Variants in MINDY3 observed in about 807,000 individuals in gnomAD.
The protein encoded by MINDY3 is ubiquitin carboxyl-terminal hydrolase MINDY-3.
MINDY3 carries 38 observed loss-of-function variants against 69.2 expected under a neutral mutation model. That is an observed-to-expected ratio of 0.55 (90% CI 0.42 to 0.72). MINDY3 has a LOEUF of 0.72. Among genes scored for constraint, MINDY3 ranks in the 30% least tolerant of loss-of-function variants. MINDY3 has a pLI of 0.00. For missense variants in MINDY3, 522 were observed against 519.0 expected, an observed-to-expected ratio of 1.01 and a Z score of -0.06; for synonymous variants, 192 against 180.1, an observed-to-expected ratio of 1.07 and a Z score of -0.53.
Position 15,841,484 on chromosome 10 carries a change from C to T in MINDY3, c.351G>A (p.Glu117=). The T allele has an allele frequency of 6.2e-7, 1 of 1,611,928 alleles. No individual in the cohort carries two copies. Among genetic ancestry groups the T allele is most frequent in the Non-Finnish European group, 8.5e-7 (1 of 1,178,570 alleles). ...LVSWLRGKTT[E]ETASISGSPA... The stretch of plus-strand genomic sequence containing the variant: ...GACTCCCAGAAATACTAGCAGTTTC[C>T]TCAGTTGTCTTTCCTCTTAACCATG... The change falls in exon 4 of 15, where the codon GAG becomes GAA. Residue 117 remains glutamate (E), a synonymous_variant. Coordinates refer to ENST00000277632, the MANE Select transcript of MINDY3 (RefSeq NM_024948.4).
chr10:15,858,945 G>C (rs1457730411), intron 1 of MINDY3, among the ~76,000 whole-genome samples: 10 of 152,058 alleles, frequency 6.6e-5, no homozygotes, highest in Admixed American at 3.9e-4. Flanking sequence ...AAAAAAAAGA[G>C]CCCAAGTCAT....
intron 1 of MINDY3, among the ~76,000 whole-genome samples, chr10:15,848,372 C>T (rs558847486): frequency 1.5e-4 from 23 of 152,222 alleles, no homozygotes; most frequent in African/African-American, 4.6e-4. Flanking sequence ...CAGTGGCTCA[C>T]GCCTGTAATC....
intron 11 of MINDY3, among the ~76,000 whole-genome samples, chr10:15,791,770 A>G (rs1160066897): frequency 1.3e-5 from 2 of 152,172 alleles, no homozygotes; most frequent in African/African-American, 2.4e-5. Flanking sequence ...AAAGTGAGGC[A>G]TGTAATTTCC....
At chr10:15,785,660 T>C (rs1263700111) in intron 13 of MINDY3, among the ~76,000 whole-genome samples, 3 of 152,200 alleles carry the variant, frequency 2.0e-5, no homozygotes, top group South Asian at 2.1e-4. Context: ...TCCAGTAGTC[T>C]ACATTGTCTA....
At chr10:15,789,882 G>A (rs990819875) in intron 11 of MINDY3, among the ~76,000 whole-genome samples, 13 of 152,102 alleles carry the variant, frequency 8.5e-5, no homozygotes, top group African/African-American at 2.7e-4. Context: ...TCAAACTAAT[G>A]CTGATGATGA....
intron 14 of MINDY3, 57 bp from the exon 15 acceptor site, chr10:15,779,198 TGGAATGAAAACAA>T: frequency 2.0e-6 from 3 of 1,518,308 alleles, no homozygotes. Flanking sequence ...AATTCTTATG[TGGAATGAAAACAA>T]TTTTTAGAGG....
At chr10:15,833,945 C>T (rs1383267341) in intron 7 of MINDY3, among the ~76,000 whole-genome samples, 2 of 151,876 alleles carry the variant, frequency 1.3e-5, no homozygotes, top group African/African-American at 4.8e-5. Context: ...ACAACTTTAT[C>T]TAAGATATAT....
At chr10:15,849,550 C>T (rs551902409) in intron 1 of MINDY3, among the ~76,000 whole-genome samples, 9 of 151,396 alleles carry the variant, frequency 5.9e-5, no homozygotes, top group South Asian at 2.1e-4. Flanking sequence ...GCAACATTAC[C>T]GTGGAGAAGA....
chr10:15,808,538 G>T (rs1172343575), intron 10 of MINDY3, among the ~76,000 whole-genome samples: 2 of 152,178 alleles, frequency 1.3e-5, no homozygotes, highest in Non-Finnish European at 2.9e-5. Context: ...AATAAAAGCA[G>T]CTTGTGCTGT....
chr10:15,837,719 T>G (rs1833185365), intron 5 of MINDY3: 1 of 1,063,884 alleles, frequency 9.4e-7, no homozygotes, highest in African/African-American at 1.7e-5. Context: ...CAAAGATAAC[T>G]TACACATTTG....
chr10:15,833,668 G>C lies in MINDY3; in HGVS notation c.692C>G (p.Ser231Cys), dbSNP rs1456440844. ...CTCTCTATCACCATCCCATACATTA[G>C]AAACAGCATGTCCCGTCAGCAGGAG... ...INLLLTGHAV[S>C]NVWDGDRECS... The change falls in exon 8 of 15, where the codon TCT becomes TGT. Residue 231 changes from serine (S) to cysteine (C), a missense_variant. Coordinates refer to ENST00000277632, the MANE Select transcript of MINDY3 (RefSeq NM_024948.4). 4 of 1,611,060 alleles carry C rather than the reference G, an allele frequency of 2.5e-6. No individual in the cohort carries two copies.
chr10:15,796,417 A>G (rs567060723), intron 10 of MINDY3, among the ~76,000 whole-genome samples: 1 of 151,898 alleles, frequency 6.6e-6, no homozygotes, highest in African/African-American at 2.4e-5. Context: ...TTTTACATAA[A>G]TACTTAAAAC....
chr10:15,831,336 G>C (rs1413081252), intron 8 of MINDY3, among the ~76,000 whole-genome samples: 1 of 152,128 alleles, frequency 6.6e-6, no homozygotes, highest in African/African-American at 2.4e-5. Context: ...GTGTTATCCA[G>C]GAAAAACCAA....
intron 4 of MINDY3, among the ~76,000 whole-genome samples, chr10:15,839,258 C>T (rs543270407): frequency 5.3e-5 from 8 of 151,618 alleles, no homozygotes; most frequent in African/African-American, 1.9e-4. Flanking sequence ...TTTCATATTT[C>T]GTTTTAAAAT....
intron 3 of MINDY3, 116 bp downstream of exon 3, chr10:15,843,096 A>T: frequency 2.4e-6 from 2 of 840,814 alleles, no homozygotes; most frequent in Non-Finnish European, 3.9e-6. Context: ...AAAACATTTT[A>T]AAAGGAAACC....
At chr10:15,845,641 G>T (rs1367135991) in intron 2 of MINDY3, among the ~76,000 whole-genome samples, 1 of 151,364 alleles carries the variant, frequency 6.6e-6, no homozygotes, top group South Asian at 2.1e-4. Flanking sequence ...TAGGACTACA[G>T]GTGTGCACTA....
intron 6 of MINDY3, 70 bp downstream of exon 6, chr10:15,837,134 T>C: frequency 2.6e-6 from 2 of 762,786 alleles, no homozygotes; most frequent in Non-Finnish European, 4.3e-6. Context: ...ATAAAATTAC[T>C]CATCACTGCA....
chr10:15,822,070 A>G (rs1839805854), intron 8 of MINDY3, among the ~76,000 whole-genome samples: 1 of 152,180 alleles, frequency 6.6e-6, no homozygotes, highest in African/African-American at 2.4e-5. Context: ...CTCAATACCT[A>G]TGTAAAAGGG....
intron 10 of MINDY3, among the ~76,000 whole-genome samples, chr10:15,813,155 A>AT: frequency 6.6e-6 from 1 of 152,124 alleles, no homozygotes; most frequent in Non-Finnish European, 1.5e-5. Flanking sequence ...CCCACTACCA[A>AT]TTTTTAACAA....
Sources: allele counts gnomAD v4.1 joint callset (sites outside exome capture counted in the v4.1 genomes callset), GRCh38; gene constraint gnomAD v4.1.1; transcripts MANE v1.5; gene names NCBI Gene and HGNC (gene_info 2026-07-23, HGNC 2026-07-21).